The following RHOBTB1 variants were observed in gnomAD, a reference collection of about 807,000 sequenced individuals.
The protein encoded by RHOBTB1 is rho-related BTB domain-containing protein 1.
Under a neutral mutation model 71.6 loss-of-function variants are expected in RHOBTB1, and 40 were observed. That is an observed-to-expected ratio of 0.56 (90% CI 0.43 to 0.73). The LOEUF (loss-of-function observed/expected upper bound fraction) is 0.73, where lower values mean the gene tolerates loss of function less well. RHOBTB1 is among the 30% of genes least tolerant of loss of function. RHOBTB1 has a pLI of 0.00. For missense variants in RHOBTB1, 797 were observed against 894.0 expected, an observed-to-expected ratio of 0.89 and a Z score of 1.38; for synonymous variants, 319 against 334.9, an observed-to-expected ratio of 0.95 and a Z score of 0.52.
chr10:60,918,391 G>A (rs2083381096), intron 2 of RHOBTB1, among the ~76,000 whole-genome samples: 1 of 152,030 alleles, frequency 6.6e-6, no homozygotes, highest in Non-Finnish European at 1.5e-5. Context: ...TCTTATGAAA[G>A]AGACTCCCAG....
chr10:60,884,196 C>G lies in RHOBTB1; in HGVS notation c.1575+1916G>C, dbSNP rs182035959. Among the ~76,000 whole-genome samples, 315 of 152,286 alleles carry G rather than the reference C, an allele frequency of 2.1e-3. 1 individual carries two copies. Among genetic ancestry groups the G allele is most frequent in the African/African-American group, 7.1e-3 (294 of 41,564 alleles). ...CCCCTGCTATCCAAGGCTTGTGATTCTAGGATTCTATTTCCCTACTTGGGG... is the reference window on the plus strand; with the variant it reads ...CCCCTGCTATCCAAGGCTTGTGATTGTAGGATTCTATTTCCCTACTTGGGG... On this transcript the variant is annotated intron_variant, in intron 7 of 10. Coordinates refer to ENST00000337910, the MANE Select transcript of RHOBTB1 (RefSeq NM_014836.5).
At chr10:60,882,583 T>C (rs1378404217) in intron 7 of RHOBTB1, among the ~76,000 whole-genome samples, 3 of 152,188 alleles carry the variant, frequency 2.0e-5, no homozygotes, top group African/African-American at 4.8e-5. Flanking sequence ...ATTAATTCTA[T>C]TAATTCTCCA....
intron 2 of RHOBTB1, among the ~76,000 whole-genome samples, chr10:60,950,055 T>A (rs1241062650): frequency 6.6e-6 from 1 of 152,224 alleles, no homozygotes; most frequent in African/African-American, 2.4e-5. Context: ...CTAACTGCAG[T>A]CTTTCTGTCA....
downstream of RHOBTB1, among the ~76,000 whole-genome samples, chr10:60,866,156 C>T (rs752832494): frequency 6.6e-6 from 1 of 152,080 alleles, no homozygotes. Flanking sequence ...AGATCTGGAC[C>T]CAGGGCATGT....
At chr10:60,972,121 G>A (rs2086178112) in intron 2 of RHOBTB1, among the ~76,000 whole-genome samples, 1 of 152,156 alleles carries the variant, frequency 6.6e-6, no homozygotes, top group Admixed American at 6.6e-5. Flanking sequence ...CATTGTGGAA[G>A]ACAGTGTGGC....
chr10:60,929,296 T>C (rs1026030286), intron 2 of RHOBTB1, among the ~76,000 whole-genome samples: 1 of 151,998 alleles, frequency 6.6e-6, no homozygotes, highest in Admixed American at 6.6e-5. Flanking sequence ...CTAACATGCA[T>C]CCATAATAAT....
At chr10:60,895,537 TG>T (rs2082122420) in intron 4 of RHOBTB1, among the ~76,000 whole-genome samples, 2 of 152,218 alleles carry the variant, frequency 1.3e-5, no homozygotes, top group South Asian at 4.1e-4. Context: ...CCTGAGTAGC[TG>T]GGATTACAGG....
chr10:60,892,417 C>T (rs912737000), intron 5 of RHOBTB1, among the ~76,000 whole-genome samples: 2 of 152,168 alleles, frequency 1.3e-5, no homozygotes, highest in Non-Finnish European at 2.9e-5. Flanking sequence ...TTGTATGAAT[C>T]TGATGTTCTC....
rs2080742566 is a variant in RHOBTB1 at position 60,870,788 on chromosome 10, A to C, written c.*694T>G. ...GTCCTCTTGAAACTAGACATTGGAA[A>C]CAACAGAATATTTGATATCACTATA... On this transcript the variant is annotated 3_prime_UTR_variant, in exon 11 of 11. Coordinates refer to ENST00000337910, the MANE Select transcript of RHOBTB1 (RefSeq NM_014836.5). 1 of 152,656 alleles carries C rather than the reference A, an allele frequency of 6.6e-6. No homozygotes were observed. Among genetic ancestry groups the C allele is most frequent in the African/African-American group, 2.4e-5 (1 of 41,462 alleles). 9.5% of individuals were successfully genotyped at this position (152,656 alleles called of 1,614,324 possible).
chr10:60,911,658 G>T (rs1589273847), intron 2 of RHOBTB1, 106 bp from the exon 3 acceptor site: 1 of 855,114 alleles, frequency 1.2e-6, no homozygotes, highest in East Asian at 2.4e-5. Flanking sequence ...CACTTCCTTG[G>T]AGGTGCACAA....
At position 60,874,989 on chromosome 10, in the gene RHOBTB1, C is replaced by T. The variant is rs1431387317; in HGVS notation, c.1780G>A (p.Asp594Asn). ...TKAATSGVGI[D>N]GEVLSYLELA... ...TCCAAGTAAGAGAGCACTTCTCCGT[C>T]AATGCCCACGCCACTCGTGGCGGCT... Residue 594 changes from aspartate to asparagine, a missense_variant, in exon 9 of 11, where the codon GAC becomes AAC. Physicochemically the swap from Asp to Asn is conservative, Grantham distance 23. Around this residue, in one of 2 missense-constraint regions of RHOBTB1, gnomAD observed 658 missense variants for 681.5 expected, o/e 0.97. Transcript: ENST00000337910. 7 of 1,614,134 alleles carry T rather than the reference C, an allele frequency of 4.3e-6. No individual in the cohort carries two copies. The highest frequency in any genetic ancestry group is 5.9e-6 in the Non-Finnish European group (7 of 1,179,988).
intron 4 of RHOBTB1, among the ~76,000 whole-genome samples, chr10:60,910,518 A>C (rs1428851417): frequency 6.6e-6 from 1 of 152,182 alleles, no homozygotes; most frequent in African/African-American, 2.4e-5. Flanking sequence ...AGTCTTTCTG[A>C]AGTAGGGTGA....
chr10:60,961,814 T>G (rs926785736), intron 2 of RHOBTB1, among the ~76,000 whole-genome samples: 39 of 148,430 alleles, frequency 2.6e-4, no homozygotes, highest in African/African-American at 9.3e-4. Flanking sequence ...TTTTTTTGTT[T>G]TTTTTTTTTT....
chr10:60,887,433 C>A (rs563495067), intron 6 of RHOBTB1, among the ~76,000 whole-genome samples: 2 of 152,340 alleles, frequency 1.3e-5, no homozygotes, highest in South Asian at 2.1e-4. Flanking sequence ...CACACCCACA[C>A]ACCAGCCCAG....
intron 1 of RHOBTB1, among the ~76,000 whole-genome samples, chr10:61,000,458 C>T (rs1411244392): frequency 6.6e-6 from 1 of 152,158 alleles, no homozygotes. Context: ...ACACACACCT[C>T]TCAGTAATAC....
chr10:60,983,715 G>A (rs1331170701), intron 2 of RHOBTB1, among the ~76,000 whole-genome samples: 1 of 152,164 alleles, frequency 6.6e-6, no homozygotes, highest in Non-Finnish European at 1.5e-5. Context: ...AGATAGTTTA[G>A]TATGGCATGA....
upstream of RHOBTB1, among the ~76,000 whole-genome samples, chr10:60,948,992 A>T (rs937681318): frequency 2.0e-5 from 3 of 152,230 alleles, no homozygotes; most frequent in Non-Finnish European, 2.9e-5. Flanking sequence ...GCTTCTAGCA[A>T]TGAGGTCAGT....
In RHOBTB1 at chr10:60,930,547, G is replaced by A. The variant is rs756524843; in HGVS notation, c.-11+11257C>T. ...GTATGTGCAACCCAAATAAAATTGGGCCTCATGCATTCACATGAAGCACTG... is the reference window on the plus strand; with the variant it reads ...GTATGTGCAACCCAAATAAAATTGGACCTCATGCATTCACATGAAGCACTG... On this transcript the variant is annotated intron_variant, in intron 2 of 10. Transcript: ENST00000337910. Among the ~76,000 whole-genome samples, 60 of 152,214 alleles carry A rather than the reference G, an allele frequency of 3.9e-4. No homozygotes were observed. The Middle Eastern group carries it at 0.01, about 26-fold the overall frequency.
At chr10:60,899,582 C>G (rs956042778) in intron 4 of RHOBTB1, among the ~76,000 whole-genome samples, 1 of 152,206 alleles carries the variant, frequency 6.6e-6, no homozygotes, top group South Asian at 2.1e-4. Flanking sequence ...CTTGGCAACT[C>G]TCTTTGAATC....
Sources: allele counts gnomAD v4.1 joint callset (sites outside exome capture counted in the v4.1 genomes callset), GRCh38; gene constraint gnomAD v4.1.1; regional missense constraint gnomAD v4.1.1; transcripts MANE v1.5; gene names NCBI Gene and HGNC (gene_info 2026-07-23, HGNC 2026-07-21).